Variants in DOCK5 observed in about 807,000 individuals in gnomAD.
DOCK5 encodes the protein dedicator of cytokinesis 5.
A neutral mutation model predicts 251.8 loss-of-function variants in DOCK5; 142 were observed. The observed-to-expected ratio is 0.56, with a 90% CI of 0.49 to 0.65. The LOEUF is 0.65. DOCK5 is among the 30% of genes least tolerant of loss of function. The pLI is 0.00. For synonymous variants in DOCK5, 842 were observed against 835.5 expected (o/e 1.01, Z -0.13); for missense variants, 2,111 against 2,312.3 (o/e 0.91, Z 1.79).
chr8:25,410,972 TGCGCGCGC>T (rs869174248), intron 51 of DOCK5, among the ~76,000 whole-genome samples: 1 of 19,168 alleles, frequency 5.2e-5, no homozygotes, highest in African/African-American at 1.5e-4. Context: ...TGTGTGTGTG[TGCGCGCGC>T]GCGCACGCAC....
intron 34 of DOCK5, 149 bp from the exon 35 acceptor site, chr8:25,372,410 G>A: frequency 5.7e-6 from 4 of 701,306 alleles, no homozygotes; most frequent in Non-Finnish European, 6.5e-6. Context: ...GTGTGTGTCG[G>A]CTTAACTGTG....
At chr8:25,197,261 G>A (rs1442175573) in intron 1 of DOCK5, among the ~76,000 whole-genome samples, 1 of 152,148 alleles carries the variant, frequency 6.6e-6, no homozygotes, top group Admixed American at 6.5e-5. Flanking sequence ...GCAGAGATGT[G>A]GATGAGCACG....
chr8:25,270,521 T>G (rs570290281), intron 3 of DOCK5, among the ~76,000 whole-genome samples: 4 of 152,324 alleles, frequency 2.6e-5, no homozygotes, highest in Non-Finnish European at 4.4e-5. Context: ...TTATGTCACT[T>G]AATTCCCAAT....
chr8:25,257,230 T>C (rs916840211), intron 2 of DOCK5, among the ~76,000 whole-genome samples: 1 of 152,194 alleles, frequency 6.6e-6, no homozygotes, highest in Non-Finnish European at 1.5e-5. Context: ...GTACCTTCCG[T>C]GTCTGACATT....
In DOCK5 at chr8:25,331,344, G is replaced by A. The variant is rs915922551; in HGVS notation, c.1904-907G>A. 7.5e-4 allele frequency among the ~76,000 whole-genome samples: 114 copies of A among 151,942 alleles called. 3 individuals carry two copies. The highest frequency in any genetic ancestry group is 2.0e-4 in the Admixed American group (3 of 15,254). ...GCTGGTCTTGAATTCCTGAGCTCAAGTAATCCTCCTGTCTTGGCTTCCTAA... is the reference window on the plus strand; with the variant it reads ...GCTGGTCTTGAATTCCTGAGCTCAAATAATCCTCCTGTCTTGGCTTCCTAA... On this transcript the variant is annotated intron_variant, in intron 18 of 51. Transcript: ENST00000276440.
At chr8:25,334,603 C>T (rs982257085) in intron 21 of DOCK5, among the ~76,000 whole-genome samples, 2 of 151,774 alleles carry the variant, frequency 1.3e-5, no homozygotes, top group African/African-American at 4.8e-5. Flanking sequence ...CCTAGCTACT[C>T]GAGAGGCTTA....
intron 6 of DOCK5, among the ~76,000 whole-genome samples, chr8:25,295,384 T>TAAA (rs111628470): frequency 7.0e-6 from 1 of 143,544 alleles, no homozygotes; most frequent in Non-Finnish European, 1.5e-5. Flanking sequence ...AGGCTGTCTC[T>TAAA]AAAAAAAATA....
chr8:25,346,794 A>G (rs1800376622), intron 26 of DOCK5, among the ~76,000 whole-genome samples: 1 of 151,172 alleles, frequency 6.6e-6, no homozygotes, highest in Non-Finnish European at 1.5e-5. Context: ...ACTGCACTCC[A>G]GCCTGGGTAA....
intron 6 of DOCK5, among the ~76,000 whole-genome samples, chr8:25,294,701 C>A (rs1004369590): frequency 6.6e-6 from 1 of 152,140 alleles, no homozygotes; most frequent in African/African-American, 2.4e-5. Context: ...AAAGAAATAC[C>A]TGAGACTGGG....
rs1804100866 is a variant in DOCK5, at chr8:25,278,292, G to A, written c.225-277G>A. 5.3e-5 allele frequency among the ~76,000 whole-genome samples: 8 copies of A among 151,452 alleles called. No homozygotes were observed. In the South Asian group the frequency reaches 1.7e-3, roughly 32 times the overall value. Reference sequence around the variant, plus strand: ...GAATCACTGAAGCCAGCCTGGCTCAGTAATCGAGTCTCCTGGAGAAATCTA... The same window carrying A: ...GAATCACTGAAGCCAGCCTGGCTCAATAATCGAGTCTCCTGGAGAAATCTA... On this transcript the variant is annotated intron_variant, in intron 4 of 51. Coordinates refer to ENST00000276440, the MANE Select transcript of DOCK5 (RefSeq NM_024940.8).
At position 25,403,647 on chromosome 8, in the gene DOCK5, C is replaced by A; in HGVS notation, c.5016C>A (p.Ile1672=). ...CTTCCACTCTGCGGAGGTTGTCCAT[C>A]ACCTCAGTCACTTCCTCTGTGGTTT... is the stretch of plus-strand genomic sequence containing the variant. The part of the protein sequence containing the change: ...IMSSTLRRLS[I]TSVTSSVVST... The change falls in exon 48 of 52, where the codon ATC becomes ATA. Residue 1672 remains isoleucine (I), a synonymous_variant. Coordinates refer to ENST00000276440, the MANE Select transcript of DOCK5 (RefSeq NM_024940.8). 6.2e-7 allele frequency: 1 copy of A among 1,613,980 alleles called. No homozygotes were observed. Among genetic ancestry groups the A allele is most frequent in the Non-Finnish European group, 8.5e-7 (1 of 1,179,876 alleles).
At chr8:25,369,779 G>A (rs1800841764) in intron 34 of DOCK5, 138 bp downstream of exon 34, 1 of 651,598 alleles carries the variant, frequency 1.5e-6, no homozygotes, top group Non-Finnish European at 2.6e-6. Context: ...CTTCAGTATG[G>A]TTATGGGGTG....
intron 2 of DOCK5, among the ~76,000 whole-genome samples, chr8:25,245,052 T>TTTTA (rs1456856916): frequency 8.5e-5 from 13 of 152,264 alleles, no homozygotes; most frequent in South Asian, 2.1e-4. Flanking sequence ...CTTCCAATCT[T>TTTTA]TTTATTTATT....
chr8:25,216,121 A>ATGTATACAATATGTCTATACG (rs1166153371), intron 1 of DOCK5, among the ~76,000 whole-genome samples: 1 of 151,700 alleles, frequency 6.6e-6, no homozygotes, highest in Non-Finnish European at 1.5e-5. Flanking sequence ...TACAATATGT[A>ATGTATACAATATGTCTATACG]TGTATACAAT....
At chr8:25,392,034 T>G in intron 43 of DOCK5, 54 bp downstream of exon 43, 1 of 1,534,794 alleles carries the variant, frequency 6.5e-7, no homozygotes, top group Non-Finnish European at 8.9e-7. Flanking sequence ...CTGAGCACGG[T>G]GGCTCACGCC....
At position 25,412,958 on chromosome 8, in the gene DOCK5, C is replaced by CA. The variant is rs2117356855; in HGVS notation, c.*1661dup. 6.6e-6 allele frequency: 1 copy of CA among 152,274 alleles called. No homozygotes were observed. Among genetic ancestry groups the CA allele is most frequent in the African/African-American group, 2.4e-5 (1 of 41,552 alleles). The allele number at this position is 152,274 out of a possible 1,614,324, so 9.4% of individuals were successfully genotyped here. A position where few individuals can be genotyped will look rare whatever the true frequency, so the allele number is the denominator to read the frequency against. ...TGTGGAAAAGGTGATCCTTTACCCC[C>CA]ACCCAGGAAAACCTGCATTGTGCTA... On this transcript the variant is annotated 3_prime_UTR_variant, in exon 52 of 52. Transcript: ENST00000276440.
intron 3 of DOCK5, 64 bp downstream of exon 3, chr8:25,268,949 A>G: frequency 2.9e-6 from 4 of 1,375,922 alleles, no homozygotes; most frequent in Admixed American, 2.2e-5. Flanking sequence ...GTATTGTGCT[A>G]TGTGACCCTC....
intron 27 of DOCK5, among the ~76,000 whole-genome samples, chr8:25,354,883 C>A (rs1800540467): frequency 6.6e-6 from 1 of 152,024 alleles, no homozygotes; most frequent in South Asian, 2.1e-4. Context: ...GAGGAGGGAA[C>A]TTTTTAGCGT....
At chr8:25,233,939 T>C (rs1802733423) in intron 1 of DOCK5, among the ~76,000 whole-genome samples, 1 of 152,122 alleles carries the variant, frequency 6.6e-6, no homozygotes, top group South Asian at 2.1e-4. Context: ...CACTGCAATT[T>C]CAGTAGGGTG....
Sources: allele counts gnomAD v4.1 joint callset (sites outside exome capture counted in the v4.1 genomes callset), GRCh38; gene constraint gnomAD v4.1.1; transcripts MANE v1.5; gene names NCBI Gene and HGNC (gene_info 2026-07-23, HGNC 2026-07-21).